Variants in HEMK2 observed in about 807,000 individuals in gnomAD.
The protein encoded by HEMK2 is HemK methyltransferase 2, ETF1 glutamine and histone H4 lysine.
the HEMK2 span, among the ~76,000 whole-genome samples, chr21:28,807,909 G>T: frequency 6.6e-6 from 1 of 152,090 alleles, no homozygotes; most frequent in Non-Finnish European, 1.5e-5. Context: ...GTCTTTCTGT[G>T]TTCTTAATTA....
the HEMK2 span, among the ~76,000 whole-genome samples, chr21:28,800,555 T>C: frequency 6.6e-6 from 1 of 152,114 alleles, no homozygotes; most frequent in Non-Finnish European, 1.5e-5. Context: ...ATCATATGTA[T>C]GTTTTATGTG....
At chr21:28,645,303 CCT>C in the HEMK2 span, among the ~76,000 whole-genome samples, 12 of 152,266 alleles carry the variant, frequency 7.9e-5, no homozygotes, top group African/African-American at 2.6e-4. Flanking sequence ...TCTCAGTCAG[CCT>C]CTGTTTCTAA....
At chr21:28,769,579 A>G in the HEMK2 span, among the ~76,000 whole-genome samples, 61 of 152,256 alleles carry the variant, frequency 4.0e-4, no homozygotes, top group Non-Finnish European at 7.2e-4. Context: ...GATATAAAAT[A>G]ATCATAGATA....
the HEMK2 span, among the ~76,000 whole-genome samples, chr21:28,599,005 CA>C: frequency 6.6e-6 from 1 of 152,152 alleles, no homozygotes; most frequent in Non-Finnish European, 1.5e-5. Flanking sequence ...TGGAGTACAG[CA>C]CTTCAGAAAT....
the HEMK2 span, among the ~76,000 whole-genome samples, chr21:28,858,261 G>A: frequency 6.6e-6 from 1 of 152,072 alleles, no homozygotes; most frequent in African/African-American, 2.4e-5. Flanking sequence ...TCCCCCATCA[G>A]TATGCCCTAC....
At chr21:28,799,160 C>T in the HEMK2 span, among the ~76,000 whole-genome samples, 1 of 151,494 alleles carries the variant, frequency 6.6e-6, no homozygotes, top group East Asian at 1.9e-4. Flanking sequence ...TAAAGACATA[C>T]CCAAGACTGG....
At chr21:28,716,906 G>A in the HEMK2 span, among the ~76,000 whole-genome samples, 1 of 152,100 alleles carries the variant, frequency 6.6e-6, no homozygotes, top group Admixed American at 6.6e-5. Flanking sequence ...TTTTAGTTGT[G>A]TGGTGAATCA....
At chr21:28,871,366 G>A in the HEMK2 span, among the ~76,000 whole-genome samples, 1 of 152,226 alleles carries the variant, frequency 6.6e-6, no homozygotes, top group African/African-American at 2.4e-5. Context: ...GGAAGAGAGC[G>A]AAGAGGGAGT....
At chr21:28,693,355 G>A in the HEMK2 span, among the ~76,000 whole-genome samples, 15 of 152,254 alleles carry the variant, frequency 9.9e-5, no homozygotes, top group African/African-American at 3.4e-4. Context: ...TAGCAAGCAT[G>A]ACAAATTATT....
chr21:28,828,288 TG>T, the HEMK2 span, among the ~76,000 whole-genome samples: 5 of 151,926 alleles, frequency 3.3e-5, no homozygotes, highest in African/African-American at 1.2e-4. Context: ...GGTGGAGCAG[TG>T]GGATTTAGAT....
chr21:28,861,050 G>A, the HEMK2 span, among the ~76,000 whole-genome samples: 1 of 152,226 alleles, frequency 6.6e-6, no homozygotes, highest in Non-Finnish European at 1.5e-5. Context: ...TCCCAGCTGG[G>A]AGGGTGCAGA....
the HEMK2 span, among the ~76,000 whole-genome samples, chr21:28,637,471 A>G: frequency 6.6e-6 from 1 of 151,870 alleles, no homozygotes; most frequent in Non-Finnish European, 1.5e-5. Context: ...AAAAAAATGG[A>G]AGAATCCCCA....
At chr21:28,674,785 G>A in the HEMK2 span, 1 of 118,462 alleles carries the variant, frequency 8.4e-6, no homozygotes, top group African/African-American at 4.5e-5. Flanking sequence ...GTGGTGGCAA[G>A]TTCAGTATAT....
the HEMK2 span, among the ~76,000 whole-genome samples, chr21:28,843,990 T>C: frequency 6.6e-6 from 1 of 152,186 alleles, no homozygotes; most frequent in African/African-American, 2.4e-5. Flanking sequence ...TAAGTGTGAC[T>C]GTTTTTAAGT....
At chr21:28,804,808 A>G in the HEMK2 span, among the ~76,000 whole-genome samples, 1 of 152,174 alleles carries the variant, frequency 6.6e-6, no homozygotes, top group Non-Finnish European at 1.5e-5. Flanking sequence ...TGCACACACA[A>G]TATCAAAAGG....
At chr21:28,777,705 T>C in the HEMK2 span, among the ~76,000 whole-genome samples, 1 of 152,180 alleles carries the variant, frequency 6.6e-6, no homozygotes, top group African/African-American at 2.4e-5. Flanking sequence ...ATGAAGGACC[T>C]TTGTTGTTAG....
At chr21:28,662,107 A>G in the HEMK2 span, among the ~76,000 whole-genome samples, 1 of 152,148 alleles carries the variant, frequency 6.6e-6, no homozygotes, top group Non-Finnish European at 1.5e-5. Context: ...GGAAATAAAC[A>G]ATCTGAAATA....
At chr21:28,737,228 G>A in the HEMK2 span, among the ~76,000 whole-genome samples, 3 of 152,268 alleles carry the variant, frequency 2.0e-5, no homozygotes, top group East Asian at 1.9e-4. Flanking sequence ...GAGTTTAAGC[G>A]ATTCTTGGGC....
At chr21:28,748,848 T>C in the HEMK2 span, among the ~76,000 whole-genome samples, 57 of 152,206 alleles carry the variant, frequency 3.7e-4, no homozygotes, top group African/African-American at 1.4e-3. Flanking sequence ...TCCAAAGACT[T>C]GGAGGTCAGC....
Sources: allele counts gnomAD v4.1 joint callset (sites outside exome capture counted in the v4.1 genomes callset), GRCh38; gene constraint gnomAD v4.1.1; transcripts MANE v1.5; gene names NCBI Gene and HGNC (gene_info 2026-07-23, HGNC 2026-07-21).